The following NCKAP5 variants were observed in gnomAD, a reference collection of about 807,000 sequenced individuals.
The protein encoded by NCKAP5 is nck-associated protein 5.
A neutral mutation model predicts 167.0 loss-of-function variants in NCKAP5; 92 were observed. The ratio of observed to expected loss-of-function variants is 0.55; its 90% confidence interval spans 0.47 to 0.66. The LOEUF is 0.66. Ranked by LOEUF, NCKAP5 falls within the 30% of genes least tolerant of loss-of-function variation. The probability of loss-of-function intolerance (pLI) is 0.00; values close to 1 mark genes in which losing one functional copy is unlikely to be tolerated. For missense variants in NCKAP5, 2,378 were observed against 2,315.0 expected (o/e 1.03, Z -0.56); for synonymous variants, 891 against 877.4 (o/e 1.02, Z -0.27).
intron 12 of NCKAP5, among the ~76,000 whole-genome samples, chr2:132,794,259 TATATAGAGAGAGAGAG>T (rs1334263933): frequency 0.017 from 545 of 31,638 alleles, 7 homozygotes; most frequent in African/African-American, 0.057. Context: ...TATATATATA[TATATAGAGAGAGAGAG>T]AGAGAGAGAG....
At position 133,517,540 on chromosome 2, in the gene NCKAP5, T is replaced by A; in HGVS notation, c.-14A>T. On this transcript the variant is annotated 5_prime_UTR_variant, in exon 3 of 20. Transcript: ENST00000409261. ...CTTTCCCTCCATGGATGAAGTTATTTATTTTCTTTTGTGACTTATAAGAAT... is the reference window on the plus strand; with the variant it reads ...CTTTCCCTCCATGGATGAAGTTATTAATTTTCTTTTGTGACTTATAAGAAT... 6.6e-7 allele frequency: 1 copy of A among 1,505,430 alleles called. No individual in the cohort carries two copies. The highest frequency in any genetic ancestry group is 8.9e-7 in the Non-Finnish European group (1 of 1,121,280). 93.3% of individuals were successfully genotyped at this position (1,505,430 alleles called of 1,614,324 possible). A position where few individuals can be genotyped will look rare whatever the true frequency, so the allele number is the denominator to read the frequency against.
chr2:132,989,713 A>G (rs1421136426), intron 7 of NCKAP5, among the ~76,000 whole-genome samples: 5 of 152,172 alleles, frequency 3.3e-5, no homozygotes. Flanking sequence ...GACTGTGCCT[A>G]CTTTCCACCA....
At chr2:133,507,080 T>C (rs1341705708) in intron 3 of NCKAP5, among the ~76,000 whole-genome samples, 1 of 152,128 alleles carries the variant, frequency 6.6e-6, no homozygotes, top group Admixed American at 6.5e-5. Context: ...CGGAGTCTAC[T>C]CCGGGAGGAA....
chr2:133,499,785 C>T (rs576938302), intron 3 of NCKAP5, among the ~76,000 whole-genome samples: 10 of 152,152 alleles, frequency 6.6e-5, no homozygotes, highest in Non-Finnish European at 1.0e-4. Flanking sequence ...GTCTCGAACT[C>T]CTGACCTCAT....
chr2:133,588,645 T>A, the NCKAP5 span, among the ~76,000 whole-genome samples: 1 of 152,072 alleles, frequency 6.6e-6, no homozygotes, highest in African/African-American at 2.4e-5. Context: ...AGCACACATT[T>A]TAGAAGGACA....
At chr2:132,833,540 A>G (rs769341225) in intron 11 of NCKAP5, among the ~76,000 whole-genome samples, 36 of 152,168 alleles carry the variant, frequency 2.4e-4, no homozygotes, top group Non-Finnish European at 4.3e-4. Flanking sequence ...ATTTTTGTAC[A>G]TGGTGAGCGA....
intron 11 of NCKAP5, among the ~76,000 whole-genome samples, chr2:132,850,348 C>G (rs1312582197): frequency 2.0e-5 from 3 of 152,054 alleles, no homozygotes; most frequent in Admixed American, 2.0e-4. Flanking sequence ...AATATCCTTT[C>G]CTTATGTAGG....
Position 132,828,013 on chromosome 2 carries a change from C to G in NCKAP5, c.808-31284G>C, listed in dbSNP as rs139909594. Among the ~76,000 whole-genome samples the G allele has an allele frequency of 4.6e-4, 70 of 152,156 alleles. 1 individual carries two copies. Among genetic ancestry groups the G allele is most frequent in the African/African-American group, 1.4e-3 (58 of 41,522 alleles). ...AGCACAAACCCAAGCTGAGGTCACA[C>G]CAGATGTGTGATCTTGTTTATTCAT... On this transcript the variant is annotated intron_variant, in intron 11 of 19. Coordinates refer to ENST00000409261, the MANE Select transcript of NCKAP5 (RefSeq NM_207363.3).
intron 3 of NCKAP5, among the ~76,000 whole-genome samples, chr2:133,464,800 T>C (rs1426220948): frequency 6.6e-6 from 1 of 152,060 alleles, no homozygotes; most frequent in African/African-American, 2.4e-5. Flanking sequence ...ACCTTGTCAT[T>C]GCCTTCAGCT....
At chr2:133,288,312 C>T (rs752099253) in intron 4 of NCKAP5, among the ~76,000 whole-genome samples, 25 of 152,148 alleles carry the variant, frequency 1.6e-4, no homozygotes, top group South Asian at 2.1e-4. Flanking sequence ...TCAGTTGTGA[C>T]GTCAAAGAAT....
intron 8 of NCKAP5, among the ~76,000 whole-genome samples, chr2:132,910,111 A>G (rs1694330045): frequency 6.6e-6 from 1 of 151,844 alleles, no homozygotes; most frequent in African/African-American, 2.4e-5. Context: ...ATTTTTTTTC[A>G]TTTCTAATTT....
At chr2:132,897,529 T>C (rs1693297914) in intron 8 of NCKAP5, among the ~76,000 whole-genome samples, 2 of 152,194 alleles carry the variant, frequency 1.3e-5, no homozygotes, top group African/African-American at 4.8e-5. Context: ...TTAGGTCAGA[T>C]AGTTCTTTAT....
At chr2:133,348,184 C>T (rs1392217004) in intron 3 of NCKAP5, among the ~76,000 whole-genome samples, 2 of 152,184 alleles carry the variant, frequency 1.3e-5, no homozygotes, top group African/African-American at 4.8e-5. Flanking sequence ...TAGCTCCTCT[C>T]ACTTTAAACT....
chr2:132,898,151 C>T (rs1584314), intron 8 of NCKAP5, among the ~76,000 whole-genome samples: 9,594 of 152,288 alleles, frequency 0.063, 773 homozygotes, highest in East Asian at 0.25. Context: ...CTGAAATCTT[C>T]GTTGTCATTT....
At chr2:133,051,426 T>C (rs1242165789) in intron 6 of NCKAP5, among the ~76,000 whole-genome samples, 1 of 152,138 alleles carries the variant, frequency 6.6e-6, no homozygotes, top group African/African-American at 2.4e-5. Flanking sequence ...AAACATTTAG[T>C]TAAAGGGTTG....
chr2:133,421,829 T>C (rs893411986), intron 3 of NCKAP5, among the ~76,000 whole-genome samples: 9 of 152,220 alleles, frequency 5.9e-5, no homozygotes, highest in Non-Finnish European at 2.9e-5. Context: ...TCTGTCAATA[T>C]TTAACTACGC....
the NCKAP5 span, among the ~76,000 whole-genome samples, chr2:133,634,390 G>A: frequency 6.6e-6 from 1 of 152,110 alleles, no homozygotes; most frequent in Non-Finnish European, 1.5e-5. Context: ...TCCCAGATGT[G>A]CCTGCCACAA....
At chr2:133,511,935 T>C (rs1296274168) in intron 3 of NCKAP5, among the ~76,000 whole-genome samples, 1 of 152,146 alleles carries the variant, frequency 6.6e-6, no homozygotes, top group Non-Finnish European at 1.5e-5. Context: ...TCAGTAGACA[T>C]GGTCAAAGGG....
chr2:132,922,154 AGT>A (rs1695484004), intron 8 of NCKAP5, among the ~76,000 whole-genome samples: 1 of 152,186 alleles, frequency 6.6e-6, no homozygotes, highest in African/African-American at 2.4e-5. Context: ...TGCCAGAACC[AGT>A]GTGAGTTAGG....
Sources: gnomAD v4.1 joint callset for allele counts (sites outside exome capture counted in the v4.1 genomes callset) on GRCh38, gnomAD v4.1.1 for gene constraint, MANE v1.5 for transcripts, NCBI Gene and HGNC (gene_info 2026-07-23, HGNC 2026-07-21) for gene names.